TMCC3: variants seen among roughly 807,000 people sequenced by gnomAD.
TMCC3 encodes the protein transmembrane and coiled-coil domain protein 3.
Under a neutral mutation model 40.2 loss-of-function variants are expected in TMCC3, and 28 were observed. The observed-to-expected ratio is 0.70, with a 90% CI of 0.52 to 0.95. The LOEUF (loss-of-function observed/expected upper bound fraction) is 0.95. TMCC3 is among the 40% of genes least tolerant of loss of function. The pLI, the probability that TMCC3 is intolerant of heterozygous loss-of-function variation, is 0.00. For synonymous variants in TMCC3, 255 were observed against 248.5 expected, an observed-to-expected ratio of 1.03 and a Z score of -0.25; for missense variants, 554 against 615.2, an observed-to-expected ratio of 0.90 and a Z score of 1.05.
chr12:94,594,100 A>G (rs574964864), intron 1 of TMCC3, among the ~76,000 whole-genome samples: 28 of 152,260 alleles, frequency 1.8e-4, no homozygotes, highest in Non-Finnish European at 8.8e-5. Context: ...GTGTACCTTG[A>G]AAACGAGCAA....
At chr12:94,625,547 T>G (rs1260419449) in intron 1 of TMCC3, among the ~76,000 whole-genome samples, 1 of 146,314 alleles carries the variant, frequency 6.8e-6, no homozygotes, top group African/African-American at 2.6e-5. Context: ...TGAGCAGAAA[T>G]CGTGCCACTG....
intron 1 of TMCC3, among the ~76,000 whole-genome samples, chr12:94,631,083 T>C (rs1296197): frequency 6.6e-6 from 1 of 152,056 alleles, no homozygotes; most frequent in African/African-American, 2.4e-5. Flanking sequence ...CCACTTGACA[T>C]GTCAAAAAAT....
chr12:94,596,878 C>A (rs553767077), intron 1 of TMCC3, among the ~76,000 whole-genome samples: 5 of 151,936 alleles, frequency 3.3e-5, no homozygotes, highest in South Asian at 4.1e-4. Context: ...CAAAACAGAC[C>A]GAACCACGAA....
At chr12:94,624,823 G>A (rs1389434451) in intron 1 of TMCC3, among the ~76,000 whole-genome samples, 2 of 151,822 alleles carry the variant, frequency 1.3e-5, no homozygotes, top group Non-Finnish European at 1.5e-5. Context: ...AACTGCTAAG[G>A]GTATCTTTCT....
intron 1 of TMCC3, among the ~76,000 whole-genome samples, chr12:94,646,154 A>C (rs1474331610): frequency 1.3e-5 from 2 of 152,122 alleles, no homozygotes; most frequent in South Asian, 4.1e-4. Flanking sequence ...GAAGTTGGTG[A>C]AGGTCATAAG....
At chr12:94,634,469 A>G (rs1400554929) in intron 1 of TMCC3, among the ~76,000 whole-genome samples, 1 of 152,198 alleles carries the variant, frequency 6.6e-6, no homozygotes, top group Non-Finnish European at 1.5e-5. Context: ...AACTGTCCTT[A>G]AACAGCAACA....
chr12:94,634,268 A>G (rs1453849127), intron 1 of TMCC3, among the ~76,000 whole-genome samples: 1 of 152,052 alleles, frequency 6.6e-6, no homozygotes, highest in Non-Finnish European at 1.5e-5. Flanking sequence ...ATTCTTATTT[A>G]TCTATCTGTT....
At chr12:94,613,681 G>GA (rs1478016850) in intron 1 of TMCC3, among the ~76,000 whole-genome samples, 1 of 152,130 alleles carries the variant, frequency 6.6e-6, no homozygotes, top group East Asian at 1.9e-4. Flanking sequence ...CTCAATCAGG[G>GA]AAGGTCACAG....
In TMCC3 at chr12:94,597,966, G is replaced by A. The variant is rs553498932; in HGVS notation, c.79-15428C>T. On this transcript the variant is annotated intron_variant, in intron 1 of 3. Coordinates refer to ENST00000261226, the MANE Select transcript of TMCC3 (RefSeq NM_020698.4). ...ACCCTCCAAAGTCCAAGAAGGCAAC[G>A]ACTTGTTTAAAGGACACAAGCAGGC... is the stretch of plus-strand genomic sequence containing the variant. Among the ~76,000 whole-genome samples, 177 of 152,216 alleles carry A rather than the reference G, an allele frequency of 1.2e-3. 1 individual carries two copies. In the South Asian group the frequency reaches 0.012, roughly 10 times the overall value.
At chr12:94,573,411 C>T (rs952053567) in intron 3 of TMCC3, among the ~76,000 whole-genome samples, 6 of 152,174 alleles carry the variant, frequency 3.9e-5, no homozygotes, top group Non-Finnish European at 5.9e-5. Context: ...GCCACCCAAG[C>T]GGTCTTTTAA....
At chr12:94,629,879 C>G (rs1293370921) in intron 1 of TMCC3, among the ~76,000 whole-genome samples, 2 of 152,220 alleles carry the variant, frequency 1.3e-5, no homozygotes, top group African/African-American at 4.8e-5. Flanking sequence ...TGCTATTTGA[C>G]TATCATTATC....
chr12:94,628,743 T>C (rs1225046263), intron 1 of TMCC3, among the ~76,000 whole-genome samples: 2 of 152,116 alleles, frequency 1.3e-5, no homozygotes, highest in Non-Finnish European at 2.9e-5. Context: ...GTTAGACTGG[T>C]GGTGGAGAAA....
At chr12:94,573,427 C>T (rs1170866812) in intron 3 of TMCC3, among the ~76,000 whole-genome samples, 1 of 152,166 alleles carries the variant, frequency 6.6e-6, no homozygotes, top group African/African-American at 2.4e-5. Flanking sequence ...TTTAAGGATG[C>T]ATATTTGGTA....
chr12:94,580,373 A>C (rs184009318), intron 2 of TMCC3, among the ~76,000 whole-genome samples: 1 of 152,346 alleles, frequency 6.6e-6, no homozygotes, highest in East Asian at 1.9e-4. Flanking sequence ...TCTTAAGATG[A>C]CTTTGGAAAG....
At chr12:94,591,832 T>C (rs2068677914) in intron 1 of TMCC3, among the ~76,000 whole-genome samples, 1 of 152,206 alleles carries the variant, frequency 6.6e-6, no homozygotes, top group Non-Finnish European at 1.5e-5. Flanking sequence ...GGGGTCACAC[T>C]TGACATGCAC....
chr12:94,575,847 G>A (rs2068561285), intron 3 of TMCC3, among the ~76,000 whole-genome samples: 1 of 152,088 alleles, frequency 6.6e-6, no homozygotes, highest in African/African-American at 2.4e-5. Flanking sequence ...CGCCCAGACT[G>A]GAGTGCAGTG....
At chr12:94,588,157 C>G (rs921398058) in intron 1 of TMCC3, among the ~76,000 whole-genome samples, 3 of 152,226 alleles carry the variant, frequency 2.0e-5, no homozygotes, top group Admixed American at 2.0e-4. Context: ...CACAGCAACT[C>G]AGTCACCACC....
rs534687547 is a variant in TMCC3, at chr12:94,645,828, G to A, written c.78+4525C>T. Among the ~76,000 whole-genome samples the A allele has an allele frequency of 3.4e-4, 51 of 152,210 alleles. No homozygotes were observed. The South Asian group carries it at 8.1e-3, about 24-fold the overall frequency. On this transcript the variant is annotated intron_variant, in intron 1 of 3. Coordinates refer to ENST00000261226, the MANE Select transcript of TMCC3 (RefSeq NM_020698.4). Reference sequence around the variant, plus strand: ...GCTCCTGTAAGCATTTCCTTTGAGCGTCATGTTGACGCTCAAAAAGTTTTG... The same window carrying A: ...GCTCCTGTAAGCATTTCCTTTGAGCATCATGTTGACGCTCAAAAAGTTTTG...
At chr12:94,647,537 G>T (rs1403105492) in intron 1 of TMCC3, among the ~76,000 whole-genome samples, 1 of 152,152 alleles carries the variant, frequency 6.6e-6, no homozygotes, top group East Asian at 1.9e-4. Flanking sequence ...AAGATTAGTC[G>T]ACTCTTCCCA....
Sources: allele counts gnomAD v4.1 joint callset (sites outside exome capture counted in the v4.1 genomes callset), GRCh38; gene constraint gnomAD v4.1.1; transcripts MANE v1.5; gene names NCBI Gene and HGNC (gene_info 2026-07-23, HGNC 2026-07-21).